The following BCAR3 variants were observed in gnomAD, a reference collection of about 807,000 sequenced individuals.
The protein encoded by BCAR3 is breast cancer anti-estrogen resistance protein 3.
A neutral mutation model predicts 80.1 loss-of-function variants in BCAR3; 37 were observed. That is an observed-to-expected ratio of 0.46 (90% CI 0.36 to 0.61). The LOEUF (loss-of-function observed/expected upper bound fraction) is 0.61, where lower values mean the gene tolerates loss of function less well. BCAR3 is among the 20% of genes least tolerant of loss of function. BCAR3 has a pLI of 0.00. For synonymous variants in BCAR3, 389 were observed against 418.9 expected (o/e 0.93, Z 0.87); for missense variants, 978 against 1,068.2 (o/e 0.92, Z 1.18).
rs144302941 is a variant in BCAR3 at position 93,699,825 on chromosome 1, G to GCA, written c.-12+6265_-12+6266dup. On this transcript the variant is annotated intron_variant, in intron 3 of 13. Coordinates refer to the BCAR3 transcript ENST00000370244. ...ATAGACCCATTTCACACACACAGGT[G>GCA]CACACACACACACACACATACACAC... is the stretch of plus-strand genomic sequence containing the variant. Among the ~76,000 whole-genome samples the GCA allele has an allele frequency of 6.8e-4, 102 of 150,532 alleles. 1 individual carries two copies. Among genetic ancestry groups the GCA allele is most frequent in the Middle Eastern group, 3.4e-3 (1 of 292 alleles).
At chr1:93,776,970 G>A (rs1176494055) in intron 2 of BCAR3, among the ~76,000 whole-genome samples, 2 of 152,066 alleles carry the variant, frequency 1.3e-5, no homozygotes, top group African/African-American at 2.4e-5. Context: ...GTTAAAATGA[G>A]GTCATACTGG....
intron 2 of BCAR3, among the ~76,000 whole-genome samples, chr1:93,776,992 C>A (rs1652573115): frequency 6.6e-6 from 1 of 152,118 alleles, no homozygotes; most frequent in South Asian, 2.1e-4. Flanking sequence ...TTAGGGTGGG[C>A]CTTGATTCAG....
At chr1:93,657,946 GCTT>G (rs1042115239) in intron 2 of BCAR3, among the ~76,000 whole-genome samples, 21 of 150,924 alleles carry the variant, frequency 1.4e-4, no homozygotes, top group Non-Finnish European at 2.4e-4. Flanking sequence ...GCTTGTTACT[GCTT>G]CTTTTTTTTT....
At chr1:93,845,682 G>A (rs1157889299) in exon 2 of BCAR3, 2 of 151,900 alleles carry the variant, frequency 1.3e-5, no homozygotes, top group Non-Finnish European at 2.9e-5. Context: ...TGTTTGCAGC[G>A]AGCAATCTTG....
chr1:93,610,114 C>G (rs919658540), intron 3 of BCAR3, among the ~76,000 whole-genome samples: 1 of 152,236 alleles, frequency 6.6e-6, no homozygotes. Flanking sequence ...CCGACACATC[C>G]GAGGTACCAC....
At chr1:93,691,939 C>T (rs1362826160) in intron 3 of BCAR3, among the ~76,000 whole-genome samples, 1 of 152,178 alleles carries the variant, frequency 6.6e-6, no homozygotes, top group South Asian at 2.1e-4. Context: ...GTGGACAACT[C>T]TTAAAGCTGG....
chr1:93,799,778 G>T (rs1653411344), intron 2 of BCAR3, among the ~76,000 whole-genome samples: 2 of 152,124 alleles, frequency 1.3e-5, no homozygotes, highest in South Asian at 4.1e-4. Context: ...AAAAATAGTT[G>T]GGCTTCCAGT....
chr1:93,562,422 A>G lies in BCAR3; in HGVS notation c.2300-3T>C. ...CATTTCTTCATCTGGTTGAAAACCT[A>G]ATGAAACAAAATAAACAAAAAGTTA... On this transcript the variant is annotated splice_polypyrimidine_tract_variant and splice_region_variant and intron_variant, in intron 11 of 11. Transcript: ENST00000260502. 1 of 1,612,108 alleles carries G rather than the reference A, an allele frequency of 6.2e-7. No individual in the cohort carries two copies. The highest frequency in any genetic ancestry group is 8.5e-7 in the Non-Finnish European group (1 of 1,178,974).
chr1:93,627,524 C>T (rs540033026), intron 3 of BCAR3, among the ~76,000 whole-genome samples: 1 of 152,288 alleles, frequency 6.6e-6, no homozygotes, highest in Non-Finnish European at 1.5e-5. Flanking sequence ...CACAAAACAA[C>T]AGAGTGAACA....
intron 2 of BCAR3, among the ~76,000 whole-genome samples, chr1:93,724,678 T>C (rs1650519995): frequency 6.6e-6 from 1 of 152,156 alleles, no homozygotes; most frequent in South Asian, 2.1e-4. Flanking sequence ...AGGTCCCATC[T>C]AGTGGGCCTT....
intron 3 of BCAR3, among the ~76,000 whole-genome samples, chr1:93,614,961 T>C (rs560316331): frequency 6.6e-6 from 1 of 151,328 alleles, no homozygotes; most frequent in African/African-American, 2.4e-5. Context: ...GAAAACTAAC[T>C]GCTTTTCCCT....
Position 93,660,120 on chromosome 1 carries a change from A to T in BCAR3, c.317+14494T>A, listed in dbSNP as rs994057451. ...CGCGGAAGACCTAGACCTTCCTCCCACTACACTCTATGAGTTCACTAAGGG... is the reference window on the plus strand; with the variant it reads ...CGCGGAAGACCTAGACCTTCCTCCCTCTACACTCTATGAGTTCACTAAGGG... On this transcript the variant is annotated intron_variant, in intron 2 of 11. Transcript: ENST00000260502. Among the ~76,000 whole-genome samples, 8 of 151,898 alleles carry T rather than the reference A, an allele frequency of 5.3e-5. No homozygotes were observed. In the South Asian group the frequency reaches 1.7e-3, roughly 32 times the overall value.
intron 3 of BCAR3, among the ~76,000 whole-genome samples, chr1:93,690,259 A>G (rs1260941138): frequency 6.6e-6 from 1 of 152,226 alleles, no homozygotes; most frequent in Non-Finnish European, 1.5e-5. Flanking sequence ...ACTGGTGAGC[A>G]CAAAGGGATG....
At chr1:93,562,494 G>A in intron 11 of BCAR3, 75 bp from the exon 12 acceptor site, 1 of 1,450,466 alleles carries the variant, frequency 6.9e-7, no homozygotes, top group Non-Finnish European at 9.4e-7. Flanking sequence ...AAAGCACCAG[G>A]CGCGGTGGCT....
At chr1:93,621,108 C>A (rs236309) in intron 3 of BCAR3, among the ~76,000 whole-genome samples, 6,826 of 152,302 alleles carry the variant, frequency 0.045, 474 homozygotes, top group African/African-American at 0.15. Context: ...CAGGAGTAAC[C>A]CCACCCATTC....
At chr1:93,751,134 T>C (rs1243883242) in intron 2 of BCAR3, among the ~76,000 whole-genome samples, 1 of 152,114 alleles carries the variant, frequency 6.6e-6, no homozygotes, top group Non-Finnish European at 1.5e-5. Context: ...GAAGTCATCA[T>C]TTTCCCTTCA....
intron 2 of BCAR3, among the ~76,000 whole-genome samples, chr1:93,845,403 G>A (rs1373519334): frequency 1.1e-4 from 16 of 148,840 alleles, no homozygotes; most frequent in Middle Eastern, 3.3e-3. Context: ...TTATCCATAT[G>A]AGAATTCTCC....
chr1:93,606,900 C>G (rs1029667935), intron 3 of BCAR3, among the ~76,000 whole-genome samples: 3 of 152,210 alleles, frequency 2.0e-5, no homozygotes, highest in Non-Finnish European at 4.4e-5. Context: ...TCAACATTGT[C>G]AAGTGCTGCA....
At chr1:93,846,757 T>A in intron 1 of BCAR3, 1 of 424,934 alleles carries the variant, frequency 2.4e-6, no homozygotes, top group Admixed American at 2.8e-5. Flanking sequence ...GCGCGCGGGC[T>A]CGGGGCAGCT....
Sources: gnomAD v4.1 joint callset for allele counts (sites outside exome capture counted in the v4.1 genomes callset) on GRCh38, gnomAD v4.1.1 for gene constraint, MANE v1.5 for transcripts, NCBI Gene and HGNC (gene_info 2026-07-23, HGNC 2026-07-21) for gene names.